The following SAMD8 variants were observed in gnomAD, a reference collection of about 807,000 sequenced individuals.
The protein encoded by SAMD8 is sterile alpha motif domain containing 8, also known as sphingomyelin synthase-related protein 1.
SAMD8 carries 20 observed loss-of-function variants against 42.0 expected under a neutral mutation model. That is an observed-to-expected ratio of 0.48 (90% CI 0.34 to 0.69). The LOEUF (loss-of-function observed/expected upper bound fraction) is 0.69, where lower values mean the gene tolerates loss of function less well. SAMD8 is among the 30% of genes least tolerant of loss of function. The probability of loss-of-function intolerance (pLI) is 0.01; values close to 1 mark genes in which losing one functional copy is unlikely to be tolerated. For missense variants in SAMD8, 328 were observed against 511.6 expected, an observed-to-expected ratio of 0.64 and a Z score of 3.46; for synonymous variants, 162 against 173.0, an observed-to-expected ratio of 0.94 and a Z score of 0.50.
intron 1 of SAMD8, among the ~76,000 whole-genome samples, chr10:75,119,451 A>G (rs983047958): frequency 3.9e-5 from 6 of 152,132 alleles, no homozygotes; most frequent in African/African-American, 1.4e-4. Context: ...ATCAATAATA[A>G]TTTATACAAA....
intron 2 of SAMD8, among the ~76,000 whole-genome samples, chr10:75,156,702 G>A (rs1840418057): frequency 6.6e-6 from 1 of 152,100 alleles, no homozygotes; most frequent in African/African-American, 2.4e-5. Context: ...TCCAGAACAT[G>A]GAACATTCTA....
intron 1 of SAMD8, among the ~76,000 whole-genome samples, chr10:75,117,164 T>G (rs563199787): frequency 6.6e-6 from 1 of 151,920 alleles, no homozygotes; most frequent in Non-Finnish European, 1.5e-5. Flanking sequence ...GACTCATGCA[T>G]GTAATCCCAG....
chr10:75,165,862 G>C (rs1840663407), intron 3 of SAMD8, among the ~76,000 whole-genome samples: 1 of 150,608 alleles, frequency 6.6e-6, no homozygotes. Flanking sequence ...TATAGTCCCA[G>C]CTTCTCAGGA....
chr10:75,148,417 A>G (rs1840199895), intron 1 of SAMD8, among the ~76,000 whole-genome samples: 1 of 140,092 alleles, frequency 7.1e-6, no homozygotes, highest in Non-Finnish European at 1.5e-5. Context: ...GCAATGGCAC[A>G]ATCTCGGCTC....
chr10:75,141,615 C>T (rs56964131), intron 1 of SAMD8, among the ~76,000 whole-genome samples: 13,518 of 150,476 alleles, frequency 0.09, 670 homozygotes, highest in Middle Eastern at 0.14. Flanking sequence ...GATCTCCGCT[C>T]ACTGCAAGCT....
intron 1 of SAMD8, among the ~76,000 whole-genome samples, chr10:75,132,253 C>G (rs1456060211): frequency 6.6e-6 from 1 of 152,194 alleles, no homozygotes; most frequent in Non-Finnish European, 1.5e-5. Context: ...TTTCTTTGCC[C>G]TGATTACTTG....
chr10:75,107,063 C>A (rs528288568), upstream of SAMD8, among the ~76,000 whole-genome samples: 1 of 152,198 alleles, frequency 6.6e-6, no homozygotes, highest in East Asian at 1.9e-4. Context: ...GGGCCGGGTG[C>A]GGTGGCTCAT....
At chr10:75,109,050 G>T, upstream of SAMD8, 1 of 1,611,690 alleles carries the variant, frequency 6.2e-7, no homozygotes, top group Non-Finnish European at 8.5e-7. Context: ...CGTCCACACG[G>T]CTGCAAGAAG....
chr10:75,102,131 A>C (rs1461933586), intron 1 of SAMD8, among the ~76,000 whole-genome samples: 1 of 152,254 alleles, frequency 6.6e-6, no homozygotes, highest in Admixed American at 6.5e-5. Context: ...CTAAGAATCA[A>C]GGCAGCTCAG....
Position 75,176,615 on chromosome 10 carries a change from A to C in SAMD8, c.1171A>C (p.Asn391His). The C allele has an allele frequency of 6.4e-7, 1 of 1,550,476 alleles. No individual in the cohort carries two copies. The highest frequency in any genetic ancestry group is 8.7e-7 in the Non-Finnish European group (1 of 1,146,886). Residue 391 changes from asparagine to histidine, a missense_variant, in exon 6 of 6, where the codon AAT becomes CAT. Asn to His is a moderately conservative substitution (Grantham distance 68). Transcript: ENST00000542569. The surrounding 1 kb of genome is among the most constrained non-coding windows in gnomAD (Gnocchi z 4.3). ...WFPMFSFFEC[N>H]VNGTVPNEYC... ...TCCCATGTTCTCTTTTTTTGAATGC[A>C]ATGTTAATGGCACAGTACCTAATGA...
intron 1 of SAMD8, among the ~76,000 whole-genome samples, chr10:75,145,347 C>A (rs1840107703): frequency 6.6e-6 from 1 of 152,184 alleles, no homozygotes; most frequent in African/African-American, 2.4e-5. Flanking sequence ...TGTGTCAGTT[C>A]TTGATTGATT....
chr10:75,149,586 A>G (rs2134479169), intron 1 of SAMD8, among the ~76,000 whole-genome samples: 1 of 152,324 alleles, frequency 6.6e-6, no homozygotes, highest in East Asian at 1.9e-4. Context: ...TTATGTGTGC[A>G]GTAGTTAGAA....
chr10:75,139,114 C>A (rs1161578288), intron 1 of SAMD8, among the ~76,000 whole-genome samples: 1 of 151,938 alleles, frequency 6.6e-6, no homozygotes, highest in Non-Finnish European at 1.5e-5. Flanking sequence ...GCATGCACCA[C>A]CACGCCCGAT....
At chr10:75,117,016 G>A (rs1848898839) in intron 1 of SAMD8, among the ~76,000 whole-genome samples, 1 of 150,122 alleles carries the variant, frequency 6.7e-6, no homozygotes, top group South Asian at 2.2e-4. Flanking sequence ...TCACTATGTT[G>A]CTCAGGCTGG....
chr10:75,162,858 A>G lies in SAMD8; in HGVS notation c.579-1787A>G, dbSNP rs114613431. 9.3e-3 allele frequency among the ~76,000 whole-genome samples: 1,414 copies of G among 152,144 alleles called. 22 individuals carry two copies. The highest frequency in any genetic ancestry group is 0.032 in the African/African-American group (1,348 of 41,524). ...GCACTCAGGAAACACAGAGCAAACT[A>G]AAAAAAAGAAGAATTTATTAGCTCC... On this transcript the variant is annotated intron_variant, in intron 2 of 5. Coordinates refer to ENST00000542569, the MANE Select transcript of SAMD8 (RefSeq NM_001174156.2).
Position 75,175,254 on chromosome 10 carries a change from G to C in SAMD8, c.793-812G>C, listed in dbSNP as rs183491178. ...CACGTGGCCACACCTAGCTACAAGG[G>C]AGGCTGGGAAAGGCAATATTTTGGC... is the stretch of plus-strand genomic sequence containing the variant. On this transcript the variant is annotated intron_variant, in intron 4 of 5. Coordinates refer to ENST00000542569, the MANE Select transcript of SAMD8 (RefSeq NM_001174156.2). Among the ~76,000 whole-genome samples, 88 of 152,310 alleles carry C rather than the reference G, an allele frequency of 5.8e-4. 1 individual carries two copies. Among genetic ancestry groups the C allele is most frequent in the African/African-American group, 2.0e-3 (83 of 41,582 alleles).
At position 75,172,508 on chromosome 10, in the gene SAMD8, T is replaced by C. The variant is rs1164021176; in HGVS notation, c.793-3558T>C. Among the ~76,000 whole-genome samples the C allele has an allele frequency of 3.9e-5, 6 of 152,018 alleles. No homozygotes were observed. In the East Asian group the frequency reaches 7.7e-4, roughly 20 times the overall value. On this transcript the variant is annotated intron_variant, in intron 4 of 5. Transcript: ENST00000542569. ...CGCCACCACAGCCAACTGATTTTTTTTTTTTTTTAGACGGAGTCTTTCTCT... is the reference window on the plus strand; with the variant it reads ...CGCCACCACAGCCAACTGATTTTTTCTTTTTTTTAGACGGAGTCTTTCTCT...
intron 1 of SAMD8, among the ~76,000 whole-genome samples, chr10:75,134,271 C>G (rs1036088632): frequency 4.6e-5 from 7 of 152,162 alleles, no homozygotes; most frequent in African/African-American, 1.7e-4. Flanking sequence ...ATAGGTGCAG[C>G]AAACCACCAT....
chr10:75,141,001 T>C (rs1481792222), intron 1 of SAMD8, among the ~76,000 whole-genome samples: 1 of 152,204 alleles, frequency 6.6e-6, no homozygotes, highest in East Asian at 1.9e-4. Flanking sequence ...CTATTATAAA[T>C]GGTATTTTAT....
Sources: allele counts gnomAD v4.1 joint callset (sites outside exome capture counted in the v4.1 genomes callset), GRCh38; gene constraint gnomAD v4.1.1; non-coding constraint Gnocchi (gnomAD v3.1); transcripts MANE v1.5; gene names NCBI Gene and HGNC (gene_info 2026-07-23, HGNC 2026-07-21).